Variants in LAMA2 observed in about 807,000 individuals in gnomAD.
LAMA2 encodes laminin subunit alpha-2.
A neutral mutation model predicts 364.8 loss-of-function variants in LAMA2; 269 were observed. The ratio of observed to expected loss-of-function variants is 0.74; its 90% CI spans 0.67 to 0.82. LAMA2 has a LOEUF of 0.82. Ranked by LOEUF, LAMA2 falls within the 40% of genes least tolerant of loss-of-function variation. The probability of loss-of-function intolerance (pLI) is 0.00; values close to 1 mark genes in which losing one functional copy is unlikely to be tolerated. For synonymous variants in LAMA2, 1,379 were observed against 1,370.6 expected (o/e 1.01, Z -0.14); for missense variants, 3,807 against 3,873.2 (o/e 0.98, Z 0.45).
At chr6:129,361,297 T>C (rs1777443900) in intron 32 of LAMA2, among the ~76,000 whole-genome samples, 1 of 152,262 alleles carries the variant, frequency 6.6e-6, no homozygotes, top group African/African-American at 2.4e-5. Context: ...ATTATAATTG[T>C]TACTACTGCT....
intron 4 of LAMA2, among the ~76,000 whole-genome samples, chr6:129,115,828 C>T (rs935068152): frequency 1.2e-4 from 18 of 152,200 alleles, no homozygotes; most frequent in African/African-American, 3.6e-4. Flanking sequence ...TATCTGCCCA[C>T]GTTGGTTGTA....
intron 4 of LAMA2, among the ~76,000 whole-genome samples, chr6:129,100,305 T>A (rs1775448446): frequency 6.6e-6 from 1 of 152,210 alleles, no homozygotes; most frequent in South Asian, 2.1e-4. Context: ...TGATGGTAAC[T>A]ATTAGGAGCA....
intron 1 of LAMA2, among the ~76,000 whole-genome samples, chr6:128,966,846 T>C (rs1781872672): frequency 6.6e-6 from 1 of 152,202 alleles, no homozygotes; most frequent in South Asian, 2.1e-4. Flanking sequence ...CTTGTAATAA[T>C]GAAAGTACTA....
intron 1 of LAMA2, among the ~76,000 whole-genome samples, chr6:129,010,224 A>G (rs1784681108): frequency 6.6e-6 from 1 of 152,200 alleles, no homozygotes; most frequent in Admixed American, 6.5e-5. Flanking sequence ...ACAGACTTAT[A>G]TTTTCTAAAT....
chr6:129,385,212 G>A (rs1250630215), intron 35 of LAMA2, among the ~76,000 whole-genome samples: 16 of 116,510 alleles, frequency 1.4e-4, no homozygotes, highest in African/African-American at 5.2e-4. Flanking sequence ...GAAGGGAAAG[G>A]AGGGAGGAAG....
At chr6:129,193,426 A>G (rs1337137446) in intron 12 of LAMA2, among the ~76,000 whole-genome samples, 1 of 152,234 alleles carries the variant, frequency 6.6e-6, no homozygotes. Context: ...GTTTGTTTTA[A>G]AGCCCACACA....
chr6:129,476,226 A>G (rs1158646197), intron 53 of LAMA2, among the ~76,000 whole-genome samples: 1 of 152,206 alleles, frequency 6.6e-6, no homozygotes, highest in East Asian at 1.9e-4. Flanking sequence ...AGAAGATAAT[A>G]AAGCCGAACT....
intron 8 of LAMA2, among the ~76,000 whole-genome samples, chr6:129,159,388 C>T (rs1583158828): frequency 6.6e-6 from 1 of 152,198 alleles, no homozygotes; most frequent in Non-Finnish European, 1.5e-5. Context: ...TTTCATAAGT[C>T]GCTCCCGGCG....
At chr6:129,101,979 T>C (rs981463877) in intron 4 of LAMA2, among the ~76,000 whole-genome samples, 5 of 152,172 alleles carry the variant, frequency 3.3e-5, no homozygotes, top group African/African-American at 1.2e-4. Flanking sequence ...TGTATCTTCA[T>C]TCTAGGTATT....
At chr6:129,351,811 C>T (rs545086158) in intron 31 of LAMA2, among the ~76,000 whole-genome samples, 1 of 152,212 alleles carries the variant, frequency 6.6e-6, no homozygotes, top group East Asian at 1.9e-4. Flanking sequence ...TTTAAGTGGA[C>T]TTACTTAAAT....
At chr6:129,216,138 A>C (rs1330671767) in intron 12 of LAMA2, among the ~76,000 whole-genome samples, 1 of 152,212 alleles carries the variant, frequency 6.6e-6, no homozygotes, top group Non-Finnish European at 1.5e-5. Context: ...CAACTAGGAC[A>C]TACAATCTCT....
chr6:129,200,276 A>ATATATACGTGTACACATATACATGTGTG (rs1562324257), intron 12 of LAMA2, among the ~76,000 whole-genome samples: 1 of 134,906 alleles, frequency 7.4e-6, no homozygotes, highest in African/African-American at 3.1e-5. Flanking sequence ...ATACATGTGT[A>ATATATACGTGTACACATATACATGTGTG]TATATATACG....
chr6:129,382,245 G>C (rs1778732552), intron 34 of LAMA2, among the ~76,000 whole-genome samples: 1 of 152,066 alleles, frequency 6.6e-6, no homozygotes, highest in Non-Finnish European at 1.5e-5. Context: ...TTATATATTA[G>C]CATATGCAAC....
chr6:128,907,114 T>C (rs1476866677), intron 1 of LAMA2, among the ~76,000 whole-genome samples: 1 of 144,586 alleles, frequency 6.9e-6, no homozygotes. Flanking sequence ...GACTTGGCGA[T>C]GCGGGCTCTT....
chr6:129,460,818 G>A (rs1190345781), intron 49 of LAMA2, among the ~76,000 whole-genome samples: 1 of 151,610 alleles, frequency 6.6e-6, no homozygotes, highest in African/African-American at 2.4e-5. Flanking sequence ...TTGACACATA[G>A]GATCCTACAA....
chr6:129,464,908 C>G (rs1237586251), intron 50 of LAMA2, among the ~76,000 whole-genome samples: 1 of 151,916 alleles, frequency 6.6e-6, no homozygotes. Context: ...CATTTTACGA[C>G]TGTAATAAAA....
chr6:128,948,011 G>A (rs901463368), intron 1 of LAMA2, among the ~76,000 whole-genome samples: 1 of 152,054 alleles, frequency 6.6e-6, no homozygotes, highest in Non-Finnish European at 1.5e-5. Flanking sequence ...GAAAGGAGGT[G>A]AGAGTTGATG....
intron 1 of LAMA2, among the ~76,000 whole-genome samples, chr6:129,040,463 TA>T (rs758637430): frequency 6.9e-4 from 102 of 148,882 alleles, no homozygotes; most frequent in Non-Finnish European, 1.1e-3. Flanking sequence ...TTACAATAAT[TA>T]AAAAAAAAAT....
At chr6:129,280,878 T>C (rs1401704300) in intron 18 of LAMA2, among the ~76,000 whole-genome samples, 2 of 152,118 alleles carry the variant, frequency 1.3e-5, no homozygotes, top group Non-Finnish European at 2.9e-5. Context: ...CCACCCTTCC[T>C]GGGAGGGAGG....
Sources: gnomAD v4.1 joint callset for allele counts (sites outside exome capture counted in the v4.1 genomes callset) on GRCh38, gnomAD v4.1.1 for gene constraint, MANE v1.5 for transcripts, NCBI Gene and HGNC (gene_info 2026-07-23, HGNC 2026-07-21) for gene names.